TWIST2: variants seen among roughly 807,000 people sequenced by gnomAD.
TWIST2 encodes the protein twist-related protein 2.
Under a neutral mutation model 11.6 loss-of-function variants are expected in TWIST2, and 1 was observed. The observed-to-expected ratio is 0.09, with a 90% confidence interval of 0.03 to 0.41. The LOEUF is 0.41. TWIST2 is among the 10% of genes least tolerant of loss of function. The pLI is 0.98. For synonymous variants in TWIST2, 87 were observed against 96.6 expected (o/e 0.90, Z 0.58); for missense variants, 168 against 226.4 (o/e 0.74, Z 1.66).
At chr2:238,882,500 A>G (rs1032533698) in intron 1 of TWIST2, among the ~76,000 whole-genome samples, 3 of 152,118 alleles carry the variant, frequency 2.0e-5, no homozygotes, top group Admixed American at 6.5e-5. Context: ...GCTCTGGAGA[A>G]GCATGTGTAA....
At chr2:238,901,843 TG>T (rs1389351382) in intron 1 of TWIST2, among the ~76,000 whole-genome samples, 2 of 151,900 alleles carry the variant, frequency 1.3e-5, no homozygotes, top group Non-Finnish European at 2.9e-5. Context: ...CTGTGAACTC[TG>T]CTGTGATCTC....
At chr2:238,905,048 GTGGGTGGCTGGC>G (rs1184040379) in intron 1 of TWIST2, among the ~76,000 whole-genome samples, 7 of 141,368 alleles carry the variant, frequency 5.0e-5, no homozygotes, top group African/African-American at 1.0e-4. Context: ...GGGTGGCTAG[GTGGGTGGCTGGC>G]TGGGTGGGCA....
At chr2:238,890,059 C>A (rs370703469) in intron 1 of TWIST2, among the ~76,000 whole-genome samples, 1 of 152,196 alleles carries the variant, frequency 6.6e-6, no homozygotes. Context: ...GCTTAGTTTT[C>A]GAGGACAGCT....
chr2:238,848,865 T>G, intron 1 of TWIST2, 132 bp downstream of exon 1: 1 of 674,964 alleles, frequency 1.5e-6, no homozygotes. Flanking sequence ...CCGTGCGCTT[T>G]TCCTCTTAGC....
rs377207671 is a variant in TWIST2 at position 238,864,069 on chromosome 2, C to G, written c.*35+15336C>G. Among the ~76,000 whole-genome samples the G allele has an allele frequency of 1.4e-3, 218 of 152,258 alleles. 10 individuals are homozygous for G. The South Asian group carries it at 0.045, about 31-fold the overall frequency. Reference sequence around the variant, plus strand: ...TCGTTAAGCCTGTCTTCCTTTACACCCTGGGCTACATTTGACGCATATTTC... The same window carrying G: ...TCGTTAAGCCTGTCTTCCTTTACACGCTGGGCTACATTTGACGCATATTTC... On this transcript the variant is annotated intron_variant, in intron 1 of 1. Coordinates refer to ENST00000612363, the MANE Select transcript of TWIST2 (RefSeq NM_001271893.4). The surrounding 1 kb of genome is among the most constrained non-coding windows in gnomAD (Gnocchi z 4.7).
chr2:238,903,069 T>G (rs1336662281), intron 1 of TWIST2, among the ~76,000 whole-genome samples: 19,402 of 78,458 alleles, frequency 0.25, 4,237 homozygotes, highest in African/African-American at 0.31. Context: ...TGTGATGTAG[T>G]GTGTGTGATG....
intron 1 of TWIST2, among the ~76,000 whole-genome samples, chr2:238,893,139 T>C (rs559133924): frequency 6.6e-6 from 1 of 152,330 alleles, no homozygotes; most frequent in Admixed American, 6.5e-5. Context: ...CATTGAATTA[T>C]AGGAGGATTC....
chr2:238,902,291 G>A (rs1693276698), intron 1 of TWIST2, among the ~76,000 whole-genome samples: 1 of 151,080 alleles, frequency 6.6e-6, no homozygotes, highest in South Asian at 2.1e-4. Context: ...GGGTATGTGT[G>A]ATATGGAGTA....
At chr2:238,900,238 G>A (rs1445990913) in intron 1 of TWIST2, among the ~76,000 whole-genome samples, 1 of 152,194 alleles carries the variant, frequency 6.6e-6, no homozygotes, top group African/African-American at 2.4e-5. Flanking sequence ...AAGAGTGTGA[G>A]TTCACGAATC....
At chr2:238,869,495 A>G (rs1417971736) in intron 1 of TWIST2, among the ~76,000 whole-genome samples, 1 of 152,250 alleles carries the variant, frequency 6.6e-6, no homozygotes, top group East Asian at 1.9e-4. Flanking sequence ...GACTCCTATG[A>G]TTCAACAATA....
At chr2:238,859,406 CG>C (rs1692389851) in intron 1 of TWIST2, among the ~76,000 whole-genome samples, 2 of 151,520 alleles carry the variant, frequency 1.3e-5, no homozygotes, top group Admixed American at 1.3e-4. Flanking sequence ...GAGGGGGTGT[CG>C]GGGGTGAGTG....
rs1235422017 is a variant in TWIST2 at position 238,864,716 on chromosome 2, G to T, written c.*35+15983G>T. 6.6e-6 allele frequency among the ~76,000 whole-genome samples: 1 copy of T among 152,170 alleles called. No homozygotes were observed. Among genetic ancestry groups the T allele is most frequent in the Non-Finnish European group, 1.5e-5 (1 of 68,010 alleles). On this transcript the variant is annotated intron_variant, in intron 1 of 1. Transcript: ENST00000612363. The surrounding 1 kb of genome is among the most constrained non-coding windows in gnomAD (Gnocchi z 4.7). ...TGCTCTGTGGGGACACTGCCCTGGG[G>T]TCCACCCTGCCGCGGGGTCCACTTG...
chr2:238,905,932 CGCGT>C (rs1693342527), intron 1 of TWIST2, among the ~76,000 whole-genome samples: 66 of 109,362 alleles, frequency 6.0e-4, no homozygotes, highest in African/African-American at 2.0e-3. Context: ...TGTGCGTGTG[CGCGT>C]GTGTGTGCGC....
rs574938059 is a variant in TWIST2, at chr2:238,882,554, C to T, written c.*36-27288C>T. Among the ~76,000 whole-genome samples, 6 of 152,212 alleles carry T rather than the reference C, an allele frequency of 3.9e-5. No individual in the cohort carries two copies. In the South Asian group the frequency reaches 1.2e-3, roughly 32 times the overall value. ...TTGACTCATGTTAGGATCATTTGAG[C>T]CTCTTCACCTTGACTCCGATTGGCC... On this transcript the variant is annotated intron_variant, in intron 1 of 1. Coordinates refer to ENST00000612363, the MANE Select transcript of TWIST2 (RefSeq NM_001271893.4).
At chr2:238,901,299 C>A (rs1427677987) in intron 1 of TWIST2, among the ~76,000 whole-genome samples, 1 of 152,182 alleles carries the variant, frequency 6.6e-6, no homozygotes, top group African/African-American at 2.4e-5. Context: ...GCTCAGCATG[C>A]TGGGAGACTT....
chr2:238,868,131 ACAT>A (rs1240449741), intron 1 of TWIST2, among the ~76,000 whole-genome samples: 3 of 152,310 alleles, frequency 2.0e-5, no homozygotes, highest in Admixed American at 2.0e-4. Context: ...CATCCCTCAC[ACAT>A]CAGCCCCGTG....
At chr2:238,894,810 A>T (rs1291720450) in intron 1 of TWIST2, among the ~76,000 whole-genome samples, 1 of 151,808 alleles carries the variant, frequency 6.6e-6, no homozygotes, top group Non-Finnish European at 1.5e-5. Context: ...AGCTCTCCAA[A>T]CCCTCAGAAA....
Position 238,864,667 on chromosome 2 carries a change from G to T in TWIST2, c.*35+15934G>T, listed in dbSNP as rs989399237. ...CCTCCGAGGTGCGGGAGAAGAGGAG[G>T]TGGGAGGGTGCGGGGCCGTGGCTTG... On this transcript the variant is annotated intron_variant, in intron 1 of 1. Transcript: ENST00000612363. This position sits in a 1 kb window ranked among gnomAD's most constrained non-coding sequence, Gnocchi z 4.7. 6.6e-6 allele frequency among the ~76,000 whole-genome samples: 1 copy of T among 152,194 alleles called. No individual in the cohort carries two copies. The highest frequency in any genetic ancestry group is 2.4e-5 in the African/African-American group (1 of 41,460).
rs1388797813 is a variant in TWIST2 at position 238,856,799 on chromosome 2, G to A, written c.*35+8066G>A. On this transcript the variant is annotated intron_variant, in intron 1 of 1. Coordinates refer to ENST00000612363, the MANE Select transcript of TWIST2 (RefSeq NM_001271893.4). ...TCTCAGAAAAAGCACCCTTCCTGCC[G>A]TTCTCAGAAAAACAACACTGTGAAA... Among the ~76,000 whole-genome samples the A allele has an allele frequency of 1.1e-4, 17 of 152,082 alleles. No homozygotes were observed. The East Asian group carries it at 1.2e-3, about 10-fold the overall frequency.
Sources: gnomAD v4.1 joint callset for allele counts (sites outside exome capture counted in the v4.1 genomes callset) on GRCh38, gnomAD v4.1.1 for gene constraint, Gnocchi (gnomAD v3.1) non-coding constraint, MANE v1.5 for transcripts, NCBI Gene and HGNC (gene_info 2026-07-23, HGNC 2026-07-21) for gene names.